Variants in TRAPPC9 observed in about 807,000 individuals in gnomAD.
The protein encoded by TRAPPC9 is IKK2 binding protein.
Under a neutral mutation model 124.0 loss-of-function variants are expected in TRAPPC9, and 83 were observed. That is an observed-to-expected ratio of 0.67 (90% CI 0.56 to 0.80). The LOEUF (loss-of-function observed/expected upper bound fraction) is 0.80. Ranked by LOEUF, TRAPPC9 falls within the 30% of genes least tolerant of loss-of-function variation. The pLI, the probability that TRAPPC9 is intolerant of heterozygous loss-of-function variation, is 0.00. For synonymous variants in TRAPPC9, 638 were observed against 617.5 expected, an observed-to-expected ratio of 1.03 and a Z score of -0.49; for missense variants, 1,302 against 1,508.3, an observed-to-expected ratio of 0.86 and a Z score of 2.27.
chr8:140,161,966 C>T (rs569462537), intron 17 of TRAPPC9, among the ~76,000 whole-genome samples: 1 of 152,214 alleles, frequency 6.6e-6, no homozygotes, highest in Admixed American at 6.5e-5. Flanking sequence ...CCCGAGTGTC[C>T]GGCAGAGAGG....
intron 9 of TRAPPC9, among the ~76,000 whole-genome samples, chr8:140,323,592 A>T (rs2066656895): frequency 6.6e-6 from 1 of 152,214 alleles, no homozygotes. Context: ...CTGGTTATTA[A>T]GGGGAAGAAA....
chr8:139,873,945 G>A (rs578159921), intron 21 of TRAPPC9, among the ~76,000 whole-genome samples: 4 of 152,206 alleles, frequency 2.6e-5, no homozygotes, highest in Non-Finnish European at 2.9e-5. Context: ...GGACTGGAGC[G>A]CACATCCTCT....
At chr8:140,271,704 C>A (rs1367817485) in intron 15 of TRAPPC9, among the ~76,000 whole-genome samples, 1 of 152,234 alleles carries the variant, frequency 6.6e-6, no homozygotes, top group African/African-American at 2.4e-5. Context: ...CCATTATATA[C>A]CTCACTCTCA....
At chr8:140,162,456 CTATCT>C (rs1299962374) in intron 17 of TRAPPC9, among the ~76,000 whole-genome samples, 1 of 152,170 alleles carries the variant, frequency 6.6e-6, no homozygotes, top group Non-Finnish European at 1.5e-5. Context: ...AGGACAGTAC[CTATCT>C]TATTTGATCT....
chr8:139,953,939 C>G (rs1258575996), intron 19 of TRAPPC9, among the ~76,000 whole-genome samples: 1 of 152,216 alleles, frequency 6.6e-6, no homozygotes, highest in Non-Finnish European at 1.5e-5. Flanking sequence ...ACATCCAATG[C>G]TGCAGACGAT....
intron 9 of TRAPPC9, among the ~76,000 whole-genome samples, chr8:140,340,994 TAA>T (rs1302868544): frequency 1.3e-5 from 2 of 152,322 alleles, no homozygotes; most frequent in African/African-American, 2.4e-5. Flanking sequence ...ACACTGTTTC[TAA>T]TCCTTATGAC....
chr8:139,959,835 G>C (rs1319563703), intron 19 of TRAPPC9, among the ~76,000 whole-genome samples: 1 of 152,164 alleles, frequency 6.6e-6, no homozygotes, highest in African/African-American at 2.4e-5. Flanking sequence ...CAGGCAGGTG[G>C]AGAACTTCAA....
intron 7 of TRAPPC9, among the ~76,000 whole-genome samples, chr8:140,380,710 G>A (rs2068580659): frequency 7.1e-6 from 1 of 141,698 alleles, no homozygotes; most frequent in East Asian, 2.1e-4. Flanking sequence ...CTCACATGAT[G>A]AACAAAAATT....
intron 19 of TRAPPC9, among the ~76,000 whole-genome samples, chr8:139,954,857 T>TTAAA (rs1834875845): frequency 6.6e-6 from 1 of 152,176 alleles, no homozygotes; most frequent in East Asian, 1.9e-4. Context: ...CACAGGCATG[T>TTAAA]TAAAATAAAA....
At chr8:140,276,077 T>C (rs1359944531) in intron 14 of TRAPPC9, among the ~76,000 whole-genome samples, 1 of 152,202 alleles carries the variant, frequency 6.6e-6, no homozygotes, top group Non-Finnish European at 1.5e-5. Context: ...CACTCAGCCT[T>C]CATTTCTCAG....
rs760322913 is a variant in TRAPPC9, at chr8:140,371,101, G to A, written c.1214C>T (p.Ala405Val). Reference sequence around the variant, plus strand: ...CATGGCGGCCACGCGCTTGAAGAACGCAGACTTGCGATGGAAGCCGATCAG... The same window carrying A: ...CATGGCGGCCACGCGCTTGAAGAACACAGACTTGCGATGGAAGCCGATCAG... ...YELIGFHRKS[A>V]FFKRVAAMQC... The change falls in exon 8 of 23, where the codon GCG becomes GTG. Residue 405 changes from alanine (A) to valine (V), a missense_variant. Ala to Val is a moderately conservative substitution (Grantham distance 64). This residue lies in a region of TRAPPC9 where 657 missense variants were observed against 811.2 expected (regional missense o/e 0.81). Transcript: ENST00000438773. The A allele has an allele frequency of 1.6e-5, 26 of 1,614,084 alleles. No homozygotes were observed. In the African/African-American group the frequency reaches 2.7e-4, roughly 17 times the overall value.
At chr8:139,986,783 A>C (rs1381582212) in intron 19 of TRAPPC9, among the ~76,000 whole-genome samples, 2 of 152,230 alleles carry the variant, frequency 1.3e-5, no homozygotes, top group Admixed American at 6.5e-5. Flanking sequence ...GAATAGATAC[A>C]TGTGTGTAAC....
At chr8:140,380,521 G>A (rs2068571754) in intron 7 of TRAPPC9, among the ~76,000 whole-genome samples, 1 of 151,846 alleles carries the variant, frequency 6.6e-6, no homozygotes, top group Non-Finnish European at 1.5e-5. Context: ...CAGGCCTTGT[G>A]GCAGGTGCCT....
chr8:140,033,686 T>TTG (rs1563706981), intron 17 of TRAPPC9, among the ~76,000 whole-genome samples: 8 of 117,970 alleles, frequency 6.8e-5, no homozygotes, highest in Admixed American at 1.7e-4. Flanking sequence ...TTTTTTTTTT[T>TTG]TTTTTTTTTT....
chr8:139,832,116 C>T (rs1332588881), intron 21 of TRAPPC9, among the ~76,000 whole-genome samples: 1 of 152,210 alleles, frequency 6.6e-6, no homozygotes, highest in African/African-American at 2.4e-5. Flanking sequence ...GGGCAGGGGC[C>T]ACCTCTGAGG....
chr8:140,438,235 T>G (rs891267197), intron 3 of TRAPPC9, among the ~76,000 whole-genome samples: 4 of 152,174 alleles, frequency 2.6e-5, no homozygotes, highest in Non-Finnish European at 5.9e-5. Context: ...TCTAGCCACT[T>G]CATATATATA....
chr8:140,306,989 C>A (rs1319647145), intron 10 of TRAPPC9, among the ~76,000 whole-genome samples: 2 of 152,142 alleles, frequency 1.3e-5, no homozygotes, highest in Non-Finnish European at 2.9e-5. Flanking sequence ...TTCTCCTGTG[C>A]CCAGCTATTC....
intron 9 of TRAPPC9, among the ~76,000 whole-genome samples, chr8:140,329,163 T>C (rs959780071): frequency 3.3e-5 from 5 of 151,966 alleles, no homozygotes; most frequent in African/African-American, 9.7e-5. Context: ...GATGACATCC[T>C]GGGGAACACA....
chr8:139,980,628 G>A (rs764732488), intron 19 of TRAPPC9, among the ~76,000 whole-genome samples: 3 of 152,242 alleles, frequency 2.0e-5, no homozygotes, highest in East Asian at 1.9e-4. Context: ...TCAACCTGCC[G>A]GGCATGGATT....
Sources: allele counts gnomAD v4.1 joint callset (sites outside exome capture counted in the v4.1 genomes callset), GRCh38; gene constraint gnomAD v4.1.1; regional missense constraint gnomAD v4.1.1; transcripts MANE v1.5; gene names NCBI Gene and HGNC (gene_info 2026-07-23, HGNC 2026-07-21).